The following TRIP12 variants were observed in gnomAD, a reference collection of about 807,000 sequenced individuals.
TRIP12 encodes thyroid hormone receptor interactor 12, also known as E3 ubiquitin-protein ligase TRIP12.
TRIP12 carries 25 observed loss-of-function variants against 244.2 expected under a neutral mutation model. The ratio of observed to expected loss-of-function variants is 0.10; its 90% CI spans 0.07 to 0.14. The LOEUF is 0.14. TRIP12 is among the 10% of genes least tolerant of loss of function. The pLI is 1.00. For missense variants in TRIP12, 1,677 were observed against 2,486.4 expected (o/e 0.67, Z 6.92); for synonymous variants, 905 against 873.1 (o/e 1.04, Z -0.64).
At chr2:229,873,026 G>GA (rs908256779) in intron 2 of TRIP12, among the ~76,000 whole-genome samples, 11 of 152,076 alleles carry the variant, frequency 7.2e-5, no homozygotes, top group African/African-American at 2.4e-4. Flanking sequence ...CAAATACAAA[G>GA]AAAAAAATAA....
chr2:229,879,818 A>C (rs2064440771), intron 2 of TRIP12, among the ~76,000 whole-genome samples, 164 bp downstream of exon 2: 1 of 152,256 alleles, frequency 6.6e-6, no homozygotes, highest in Admixed American at 6.5e-5. Flanking sequence ...GGAAAAATTT[A>C]GGAACTGCTT....
chr2:229,805,581 G>A (rs1323099044), intron 18 of TRIP12, 149 bp downstream of exon 18: 6 of 682,264 alleles, frequency 8.8e-6, no homozygotes, highest in Non-Finnish European at 1.3e-5. Flanking sequence ...ATCCATTAAT[G>A]GACATGATTT....
chr2:229,804,288 A>T, intron 18 of TRIP12, 61 bp from the exon 19 acceptor site: 2 of 1,381,518 alleles, frequency 1.4e-6, no homozygotes, highest in South Asian at 1.3e-5. Flanking sequence ...GAAACACAAT[A>T]AACAATATAA....
chr2:229,799,236 C>T, intron 22 of TRIP12, 47 bp downstream of exon 22: 1 of 1,597,318 alleles, frequency 6.3e-7, no homozygotes, highest in Non-Finnish European at 8.6e-7. Context: ...TCTGCACCTG[C>T]TACCACCCTC....
chr2:229,870,042 AGAGG>A (rs1304567903), intron 2 of TRIP12, among the ~76,000 whole-genome samples: 4 of 152,202 alleles, frequency 2.6e-5, no homozygotes, highest in Non-Finnish European at 5.9e-5. Context: ...GTGCTCAGAA[AGAGG>A]GAGTACGTCG....
intron 38 of TRIP12, chr2:229,773,678 GCACCTCGCCCA>G (rs2035294762): frequency 6.3e-6 from 1 of 158,948 alleles, no homozygotes; most frequent in Non-Finnish European, 1.4e-5. Context: ...GTGAGCCACT[GCACCTCGCCCA>G]TAAGTTAGTA....
chr2:229,794,974 A>G, intron 26 of TRIP12: 1 of 434,278 alleles, frequency 2.3e-6, no homozygotes, highest in African/African-American at 2.0e-5. Context: ...ATATATTTAT[A>G]AAGCATCCTG....
At chr2:229,844,040 T>A (rs2057067105) in intron 4 of TRIP12, among the ~76,000 whole-genome samples, 1 of 152,136 alleles carries the variant, frequency 6.6e-6, no homozygotes, top group Non-Finnish European at 1.5e-5. Flanking sequence ...GCTTTCGAAA[T>A]GTGATATAAT....
intron 4 of TRIP12, among the ~76,000 whole-genome samples, chr2:229,843,673 G>C (rs999253857): frequency 6.6e-6 from 1 of 152,250 alleles, no homozygotes; most frequent in Non-Finnish European, 1.5e-5. Flanking sequence ...GAGCCCAGGA[G>C]TTTGAGACCA....
At chr2:229,841,486 A>G (rs1003710068) in intron 4 of TRIP12, among the ~76,000 whole-genome samples, 2 of 152,190 alleles carry the variant, frequency 1.3e-5, no homozygotes, top group Non-Finnish European at 2.9e-5. Flanking sequence ...CACAGTTTAC[A>G]TGTTATTCTG....
rs2040398454 is a variant in TRIP12, at chr2:229,787,482, A to T, written c.4995+23T>A. The T allele has an allele frequency of 2.5e-6, 4 of 1,590,186 alleles. No individual in the cohort carries two copies. The African/African-American group carries it at 5.5e-5, about 22-fold the overall frequency. The stretch of plus-strand genomic sequence containing the variant: ...TTATTTTGAAAAGCTCAGATTATTT[A>T]AAGATTTTGGGGAGAAACTTACTTT... On this transcript the variant is annotated intron_variant, in intron 33 of 41. Transcript: ENST00000675903.
At chr2:229,908,658 G>A (rs1219385533) in intron 1 of TRIP12, among the ~76,000 whole-genome samples, 3 of 152,054 alleles carry the variant, frequency 2.0e-5, no homozygotes, top group African/African-American at 4.8e-5. Context: ...GCATGAACCC[G>A]GGAGGCAGAG....
intron 8 of TRIP12, among the ~76,000 whole-genome samples, chr2:229,826,783 G>A (rs2051749119): frequency 6.6e-6 from 1 of 152,094 alleles, no homozygotes; most frequent in East Asian, 1.9e-4. Context: ...AATAGAAGAA[G>A]TAGAGTAAAA....
rs542802688 is a variant in TRIP12 at position 229,909,130 on chromosome 2, C to T, written c.-50+12750G>A. On this transcript the variant is annotated intron_variant, in intron 1 of 41. Coordinates refer to ENST00000675903, the MANE Select transcript of TRIP12 (RefSeq NM_001348323.3). Reference sequence around the variant, plus strand: ...AAAGAGATTTTATGTTAGTTTTGTCCAAGTTTACCACTCTCCCTTTAAGAC... The same window carrying T: ...AAAGAGATTTTATGTTAGTTTTGTCTAAGTTTACCACTCTCCCTTTAAGAC... Among the ~76,000 whole-genome samples the T allele has an allele frequency of 2.6e-5, 4 of 151,456 alleles. No homozygotes were observed. In the East Asian group the frequency reaches 7.8e-4, roughly 29 times the overall value.
chr2:229,888,740 T>G (rs1226546424), intron 1 of TRIP12, among the ~76,000 whole-genome samples: 3 of 151,824 alleles, frequency 2.0e-5, no homozygotes, highest in African/African-American at 7.3e-5. Flanking sequence ...GATGCGGAGG[T>G]TGCAGCGAGC....
chr2:229,903,801 A>G (rs1360317511), intron 1 of TRIP12, among the ~76,000 whole-genome samples: 1 of 150,652 alleles, frequency 6.6e-6, no homozygotes, highest in East Asian at 2.0e-4. Flanking sequence ...AGATCACTTG[A>G]GCTCAGGAGT....
At chr2:229,823,921 T>C (rs148336287) in intron 8 of TRIP12, among the ~76,000 whole-genome samples, 11 of 152,174 alleles carry the variant, frequency 7.2e-5, no homozygotes, top group African/African-American at 2.4e-4. Flanking sequence ...AAAAAAGTTC[T>C]TTAGGCTAGA....
intron 8 of TRIP12, among the ~76,000 whole-genome samples, chr2:229,822,140 C>T (rs2050232597): frequency 6.6e-6 from 1 of 151,904 alleles, no homozygotes; most frequent in South Asian, 2.1e-4. Flanking sequence ...GACTCCGTCT[C>T]AAAACAAACA....
intron 38 of TRIP12, chr2:229,773,885 G>T (rs182673988): frequency 1.7e-5 from 7 of 403,632 alleles, no homozygotes; most frequent in Middle Eastern, 1.0e-3. Flanking sequence ...AGCCTGAGGA[G>T]AAATAATTCA....
Sources: gnomAD v4.1 joint callset for allele counts (sites outside exome capture counted in the v4.1 genomes callset) on GRCh38, gnomAD v4.1.1 for gene constraint, MANE v1.5 for transcripts, NCBI Gene and HGNC (gene_info 2026-07-23, HGNC 2026-07-21) for gene names.